SMARCAD1: variants seen among roughly 807,000 people sequenced by gnomAD.
The protein encoded by SMARCAD1 is SNF2 related chromatin remodeling ATPase with DExD box 1, also known as SWI/SNF-related matrix-associated actin-dependent regulator of chromatin subfamily A containing DEAD/H box 1.
In SMARCAD1, 25 loss-of-function variants were observed where a neutral mutation model predicts 127.1. The ratio of observed to expected loss-of-function variants is 0.20; its 90% confidence interval spans 0.14 to 0.27. SMARCAD1 has a LOEUF of 0.27. SMARCAD1 is among the 10% of genes least tolerant of loss of function. The pLI, the probability that SMARCAD1 is intolerant of heterozygous loss-of-function variation, is 1.00. For synonymous variants in SMARCAD1, 400 were observed against 396.9 expected (o/e 1.01, Z -0.09); for missense variants, 807 against 1,206.0 (o/e 0.67, Z 4.90).
intron 3 of SMARCAD1, among the ~76,000 whole-genome samples, chr4:94,231,064 T>G (rs2632405): frequency 0.55 from 83,277 of 151,954 alleles, 23,319 homozygotes; most frequent in East Asian, 0.72. Flanking sequence ...TTCACTGAGT[T>G]GTTGTGCGAA....
intron 10 of SMARCAD1, among the ~76,000 whole-genome samples, chr4:94,267,737 G>T (rs1056853558): frequency 1.3e-5 from 2 of 151,914 alleles, no homozygotes; most frequent in Non-Finnish European, 2.9e-5. Flanking sequence ...AAAATCTTCA[G>T]TTCAGAGATA....
At chr4:94,232,054 G>A (rs367569271) in intron 3 of SMARCAD1, among the ~76,000 whole-genome samples, 1 of 151,972 alleles carries the variant, frequency 6.6e-6, no homozygotes, top group Admixed American at 6.6e-5. Context: ...GTGGAGATGG[G>A]GTTTCACCAT....
chr4:94,219,890 C>T (rs1743827605), intron 2 of SMARCAD1, among the ~76,000 whole-genome samples: 2 of 152,278 alleles, frequency 1.3e-5, no homozygotes, highest in African/African-American at 2.4e-5. Context: ...TATCCCCCAC[C>T]TGGTACAATG....
At chr4:94,272,042 A>C (rs1752604463) in intron 11 of SMARCAD1, among the ~76,000 whole-genome samples, 1 of 152,134 alleles carries the variant, frequency 6.6e-6, no homozygotes, top group Admixed American at 6.6e-5. Context: ...GTCCAAGATG[A>C]GTGTATCGGT....
intron 2 of SMARCAD1, among the ~76,000 whole-genome samples, chr4:94,215,333 A>G (rs979498696): frequency 3.9e-5 from 6 of 152,130 alleles, no homozygotes; most frequent in African/African-American, 4.8e-5. Flanking sequence ...ATGTGCATGT[A>G]TTTGGCTGGG....
At chr4:94,256,848 C>T (rs954047718) in intron 9 of SMARCAD1, among the ~76,000 whole-genome samples, 1 of 152,112 alleles carries the variant, frequency 6.6e-6, no homozygotes, top group Non-Finnish European at 1.5e-5. Flanking sequence ...AAAAAATCTG[C>T]AAGTACATTT....
At chr4:94,217,605 T>C (rs939605177) in intron 2 of SMARCAD1, among the ~76,000 whole-genome samples, 1 of 152,238 alleles carries the variant, frequency 6.6e-6, no homozygotes, top group Admixed American at 6.5e-5. Context: ...GAATGTGGTC[T>C]GTAGTATTTC....
rs749482681 is a variant in SMARCAD1, at chr4:94,270,828, C to T, written c.1572+10C>T. 2 of 1,606,790 alleles carry T rather than the reference C, an allele frequency of 1.2e-6. No homozygotes were observed. Among genetic ancestry groups the T allele is most frequent in the Non-Finnish European group, 1.7e-6 (2 of 1,173,666 alleles). On this transcript the variant is annotated intron_variant, in intron 11 of 23. Coordinates refer to ENST00000354268, the MANE Select transcript of SMARCAD1 (RefSeq NM_020159.5). ...TTTGGCAGATGAAATGGTAAGTGTA[C>T]TTTATTTCTAAGATTTGTTGTTGAA...
chr4:94,270,539 A>T (rs2125976079), intron 10 of SMARCAD1, 189 bp from the exon 11 acceptor site: 1 of 534,838 alleles, frequency 1.9e-6, no homozygotes, highest in Admixed American at 3.0e-5. Context: ...AATAGAGAAT[A>T]AAGTTTGAGA....
In SMARCAD1 at chr4:94,289,949, T is replaced by A. The variant is rs1325771994; in HGVS notation, c.*415T>A. ...GCCTTATTTGACAATGCTTATGTCT[T>A]GTTTTTGCTTGTCTCATTTGAAGTT... On this transcript the variant is annotated 3_prime_UTR_variant, in exon 24 of 24. Coordinates refer to ENST00000354268, the MANE Select transcript of SMARCAD1 (RefSeq NM_020159.5). 3 of 454,434 alleles carry A rather than the reference T, an allele frequency of 6.6e-6. No homozygotes were observed. The highest frequency in any genetic ancestry group is 2.4e-5 in the Admixed American group (1 of 42,474). 28.2% of individuals were successfully genotyped at this position (454,434 alleles called of 1,614,324 possible).
At chr4:94,284,093 G>C (rs137881650) in intron 22 of SMARCAD1, among the ~76,000 whole-genome samples, 225 of 151,574 alleles carry the variant, frequency 1.5e-3, no homozygotes, top group African/African-American at 5.1e-3. Flanking sequence ...AGGCGAAGGC[G>C]GGTGGATCAC....
At chr4:94,273,513 C>A in intron 11 of SMARCAD1, 104 bp from the exon 12 acceptor site, 1 of 839,506 alleles carries the variant, frequency 1.2e-6, no homozygotes, top group Non-Finnish European at 1.9e-6. Context: ...TCTGGGAAAT[C>A]AAAAGTGAAT....
chr4:94,276,552 G>A lies in SMARCAD1; in HGVS notation c.1944+78G>A. On this transcript the variant is annotated intron_variant, in intron 15 of 23. Coordinates refer to ENST00000354268, the MANE Select transcript of SMARCAD1 (RefSeq NM_020159.5). ...AATTTAATATATGTAGTATTTATTAGCAGAATCTGTATTATGTAGTTTAAT... is the reference window on the plus strand; with the variant it reads ...AATTTAATATATGTAGTATTTATTAACAGAATCTGTATTATGTAGTTTAAT... 4 of 1,518,410 alleles carry A rather than the reference G, an allele frequency of 2.6e-6. 1 individual carries two copies. In the South Asian group the frequency reaches 3.5e-5, roughly 13 times the overall value. 94.1% of individuals were successfully genotyped at this position (1,518,410 alleles called of 1,614,324 possible). A position where few individuals can be genotyped will look rare whatever the true frequency, so the allele number is the denominator to read the frequency against.
intron 9 of SMARCAD1, among the ~76,000 whole-genome samples, chr4:94,257,831 C>T (rs1750348423): frequency 6.6e-6 from 1 of 151,970 alleles, no homozygotes; most frequent in Non-Finnish European, 1.5e-5. Flanking sequence ...ATTTGTAGGT[C>T]TTATCTATCA....
chr4:94,286,991 A>G (rs1010206239), intron 23 of SMARCAD1, among the ~76,000 whole-genome samples: 3 of 152,032 alleles, frequency 2.0e-5, no homozygotes, highest in Non-Finnish European at 4.4e-5. Flanking sequence ...CAGCCTCCCA[A>G]ATAGCTGGGA....
intron 5 of SMARCAD1, among the ~76,000 whole-genome samples, chr4:94,239,194 T>C (rs1013906907): frequency 2.6e-5 from 4 of 152,206 alleles, no homozygotes; most frequent in Non-Finnish European, 5.9e-5. Context: ...AATGACAGGT[T>C]TGTCTAACCT....
intron 2 of SMARCAD1, among the ~76,000 whole-genome samples, chr4:94,219,010 C>T (rs552015679): frequency 1.3e-5 from 2 of 152,100 alleles, no homozygotes; most frequent in Non-Finnish European, 2.9e-5. Context: ...CAGGGTTTCA[C>T]CATGTTGGCC....
Position 94,237,023 on chromosome 4 carries a change from G to A in SMARCAD1, c.604+5G>A, listed in dbSNP as rs1746765737. 1.9e-6 allele frequency: 3 copies of A among 1,611,966 alleles called. No homozygotes were observed. Among genetic ancestry groups the A allele is most frequent in the African/African-American group, 1.3e-5 (1 of 74,862 alleles). On this transcript the variant is annotated splice_donor_5th_base_variant and intron_variant, in intron 5 of 23. Transcript: ENST00000354268. ...TGCTGATGTTTGGTGATGCAGGTAT[G>A]CTTGACTTAATTTTAAGCCATGTCG... is the stretch of plus-strand genomic sequence containing the variant.
chr4:94,215,271 A>T (rs1742986597), intron 2 of SMARCAD1, among the ~76,000 whole-genome samples: 1 of 152,210 alleles, frequency 6.6e-6, no homozygotes, highest in African/African-American at 2.4e-5. Context: ...TTGTTGTAAC[A>T]GAAAGTACAA....
Sources: gnomAD v4.1 joint callset for allele counts (sites outside exome capture counted in the v4.1 genomes callset) on GRCh38, gnomAD v4.1.1 for gene constraint, MANE v1.5 for transcripts, NCBI Gene and HGNC (gene_info 2026-07-23, HGNC 2026-07-21) for gene names.